CEP290: variants seen among roughly 807,000 people sequenced by gnomAD.
CEP290 encodes the protein centrosomal protein 290.
CEP290 carries 317 observed loss-of-function variants against 344.9 expected under a neutral mutation model. That is an observed-to-expected ratio of 0.92 (90% CI 0.84 to 1.01). The LOEUF is 1.01. Among genes scored for constraint, CEP290 ranks in the 50% least tolerant of loss-of-function variants. CEP290 has a pLI of 0.00. For missense variants in CEP290, 2,754 were observed against 2,761.4 expected (o/e 1.00, Z 0.06); for synonymous variants, 932 against 895.8 (o/e 1.04, Z -0.72).
Position 88,063,961 on chromosome 12 carries a change from AT to A in CEP290, c.6270+19del. ...GGAGTTTTAGGCATTAGATTTCCTA[AT>A]AAAAAACATTAAATTCACCTTTAAT... On this transcript the variant is annotated intron_variant, in intron 45 of 53. Coordinates refer to ENST00000552810, the MANE Select transcript of CEP290 (RefSeq NM_025114.4). 1 of 1,573,666 alleles carries A rather than the reference AT, an allele frequency of 6.4e-7. No individual in the cohort carries two copies. Among genetic ancestry groups the A allele is most frequent in the South Asian group, 1.2e-5 (1 of 84,062 alleles).
intron 15 of CEP290, 112 bp downstream of exon 15, chr12:88,120,002 A>C: frequency 1.6e-6 from 1 of 609,986 alleles, no homozygotes; most frequent in African/African-American, 1.9e-5. Context: ...TTATAAAAGC[A>C]TTTGAAAAAA....
chr12:88,114,586 T>C, intron 19 of CEP290, 24 bp from the exon 20 acceptor site: 1 of 1,514,660 alleles, frequency 6.6e-7, no homozygotes, highest in South Asian at 1.3e-5. Context: ...GTTTTCTCAT[T>C]GGATGATCAG....
At chr12:88,059,409 C>CT (rs1278634010) in intron 48 of CEP290, among the ~76,000 whole-genome samples, 2 of 151,854 alleles carry the variant, frequency 1.3e-5, no homozygotes, top group South Asian at 2.1e-4. Flanking sequence ...TAGATCATTT[C>CT]TTTTTTTTGT....
chr12:88,086,351 A>G (rs1195084999), intron 33 of CEP290, 40 bp downstream of exon 33: 1 of 1,511,556 alleles, frequency 6.6e-7, no homozygotes, highest in African/African-American at 1.4e-5. Context: ...AACACTCTAG[A>G]CTATGCTACA....
In CEP290 at chr12:88,049,202, A is replaced by G. The variant is rs1161343186; in HGVS notation, c.7422T>C (p.Val2474=). 6.3e-7 allele frequency: 1 copy of G among 1,593,422 alleles called. No homozygotes were observed. Among genetic ancestry groups the G allele is most frequent in the African/African-American group, 1.4e-5 (1 of 73,912 alleles). ...GTGACCTTTAGTAAATGGGGAAATT[A>G]ACAGGACTTTCTTCTTCATCTTCAA... is the stretch of plus-strand genomic sequence containing the variant. ...EEFEDEEESP[V]NFPIY Residue 2474 remains valine (V), a synonymous_variant, in exon 54 of 54, where the codon GTT becomes GTC. Transcript: ENST00000552810.
At chr12:88,139,325 T>C (rs2040509245) in intron 4 of CEP290, 134 bp from the exon 5 acceptor site, 1 of 506,974 alleles carries the variant, frequency 2.0e-6, no homozygotes, top group South Asian at 5.7e-5. Context: ...AAAAGTATTA[T>C]ATGGCAGATC....
rs756876705 is a variant in CEP290 at position 88,136,625 on chromosome 12, A to G, written c.441+18T>C. 4.4e-5 allele frequency: 70 copies of G among 1,590,950 alleles called. No individual in the cohort carries two copies. In the Middle Eastern group the frequency reaches 1.5e-3, roughly 34 times the overall value. On this transcript the variant is annotated intron_variant, in intron 6 of 53. Coordinates refer to ENST00000552810, the MANE Select transcript of CEP290 (RefSeq NM_025114.4). ...TAACTTGAACAGTGAAGATTCATGG[A>G]AAAAAAAAGTGCTTTACTTGCTCAT... is the stretch of plus-strand genomic sequence containing the variant.
intron 11 of CEP290, among the ~76,000 whole-genome samples, chr12:88,126,639 T>G (rs2039749975): frequency 6.6e-6 from 1 of 152,084 alleles, no homozygotes; most frequent in Non-Finnish European, 1.5e-5. Flanking sequence ...AAAATGATTT[T>G]AAAATATATA....
chr12:88,136,849 A>G (rs1360831154), intron 5 of CEP290, 63 bp from the exon 6 acceptor site: 1 of 1,376,148 alleles, frequency 7.3e-7, no homozygotes, highest in Middle Eastern at 1.8e-4. Flanking sequence ...AAATGAGTCA[A>G]CAACAAGCAA....
At chr12:88,063,569 T>C (rs2034652136) in intron 45 of CEP290, among the ~76,000 whole-genome samples, 1 of 152,072 alleles carries the variant, frequency 6.6e-6, no homozygotes, top group East Asian at 1.9e-4. Flanking sequence ...TAGCTCTCTG[T>C]TCATATATCA....
chr12:88,131,321 T>A, intron 6 of CEP290, 103 bp from the exon 7 acceptor site: 1 of 786,778 alleles, frequency 1.3e-6, no homozygotes, highest in Non-Finnish European at 1.9e-6. Context: ...TGGAGTACAG[T>A]GGTGCGATCT....
At chr12:88,054,525 C>A in intron 50 of CEP290, 112 bp from the exon 51 acceptor site, 1 of 766,628 alleles carries the variant, frequency 1.3e-6, no homozygotes, top group South Asian at 1.7e-5. Context: ...TTCAAAAGCA[C>A]GCATAGGCAA....
At chr12:88,073,522 A>C (rs2035536027) in intron 41 of CEP290, among the ~76,000 whole-genome samples, 1 of 152,208 alleles carries the variant, frequency 6.6e-6, no homozygotes, top group Non-Finnish European at 1.5e-5. Context: ...AAATTATGTA[A>C]GTAGGTAGAG....
chr12:88,115,536 T>G (rs922948885), intron 18 of CEP290: 6 of 1,293,136 alleles, frequency 4.6e-6, no homozygotes, highest in Non-Finnish European at 6.1e-6. Flanking sequence ...ACACTCTGCT[T>G]CTTTGATCAA....
In CEP290 at chr12:88,125,366, T is replaced by G. The variant is rs2138003595; in HGVS notation, c.1069A>C (p.Ile357Leu). ...KSNVMALQQG[I>L]QERDSQIKML... Reference sequence around the variant, plus strand: ...TTAATTTGACTGTCTCGTTCCTGTATACCCTATAAAATATTTTAAAACAAT... The same window carrying G: ...TTAATTTGACTGTCTCGTTCCTGTAGACCCTATAAAATATTTTAAAACAAT... Residue 357 changes from isoleucine (I) to leucine (L), a missense_variant, in exon 13 of 54, where the codon ATA becomes CTA. Ile to Leu is a conservative substitution (Grantham distance 5, BLOSUM62 2). Coordinates refer to ENST00000552810, the MANE Select transcript of CEP290 (RefSeq NM_025114.4). 3.1e-6 allele frequency: 4 copies of G among 1,289,608 alleles called. No homozygotes were observed. Among genetic ancestry groups the G allele is most frequent in the Non-Finnish European group, 3.0e-6 (3 of 996,066 alleles). The allele number at this position is 1,289,608 out of a possible 1,614,324, so 79.9% of individuals were successfully genotyped here. A position where few individuals can be genotyped will look rare whatever the true frequency, so the allele number is the denominator to read the frequency against.
intron 41 of CEP290, among the ~76,000 whole-genome samples, chr12:88,076,621 G>C (rs75180725): frequency 6.6e-6 from 1 of 151,644 alleles, no homozygotes; most frequent in African/African-American, 2.4e-5. Flanking sequence ...TTTTTTTGGG[G>C]TTATTTCAAT....
At chr12:88,075,303 C>A (rs1474356865) in intron 41 of CEP290, among the ~76,000 whole-genome samples, 1 of 151,982 alleles carries the variant, frequency 6.6e-6, no homozygotes, top group African/African-American at 2.4e-5. Flanking sequence ...ATGTTCTAGA[C>A]TGAATGAGAA....
chr12:88,094,046 G>T, intron 27 of CEP290, 71 bp from the exon 28 acceptor site: 3 of 1,153,310 alleles, frequency 2.6e-6, no homozygotes, highest in Non-Finnish European at 3.6e-6. Flanking sequence ...TTTAGATGCT[G>T]TATATTAGAA....
chr12:88,069,437 T>G (rs994166720), intron 43 of CEP290, among the ~76,000 whole-genome samples: 4 of 152,108 alleles, frequency 2.6e-5, no homozygotes, highest in African/African-American at 9.7e-5. Context: ...AAACTAAAAG[T>G]TGATCCTTGT....
Sources: allele counts gnomAD v4.1 joint callset (sites outside exome capture counted in the v4.1 genomes callset), GRCh38; gene constraint gnomAD v4.1.1; transcripts MANE v1.5; gene names NCBI Gene and HGNC (gene_info 2026-07-23, HGNC 2026-07-21).